MYO1G: variants seen among roughly 807,000 people sequenced by gnomAD.
The protein encoded by MYO1G is myosin IG.
MYO1G carries 65 observed loss-of-function variants against 115.3 expected under a neutral mutation model. The ratio of observed to expected loss-of-function variants is 0.56; its 90% confidence interval spans 0.46 to 0.69. MYO1G has a LOEUF of 0.69. Ranked by LOEUF, MYO1G falls within the 30% of genes least tolerant of loss-of-function variation. The pLI, the probability that MYO1G is intolerant of heterozygous loss-of-function variation, is 0.00. For synonymous variants in MYO1G, 510 were observed against 552.6 expected, an observed-to-expected ratio of 0.92 and a Z score of 1.08; for missense variants, 1,204 against 1,393.5, an observed-to-expected ratio of 0.86 and a Z score of 2.16.
chr7:44,968,693 T>A (rs1463808062), intron 12 of MYO1G: 1 of 152,286 alleles, frequency 6.6e-6, no homozygotes, highest in East Asian at 1.9e-4. Context: ...TTAGTACAGA[T>A]GAGGTTTTGC....
rs748075919 is a variant in MYO1G at position 44,966,779 on chromosome 7, A to T, written c.1842T>A (p.Asp614Glu). ...CGACCTGGTGGCGACAGTGGTTCTC[A>T]TCCAGCTTCCCAGCTACCTTGTCCT... ...PNEDKVAGKL[D>E]ENHCRHQVAY... Residue 614 changes from aspartate (D) to glutamate (E), a missense_variant, in exon 15 of 22, where the codon GAT becomes GAA. By Grantham distance (45) the Asp-to-Glu change is conservative. Transcript: ENST00000258787. This position sits in a 1 kb window ranked among gnomAD's most constrained non-coding sequence, Gnocchi z 5.0. The T allele has an allele frequency of 6.2e-7, 1 of 1,612,330 alleles. No homozygotes were observed. The highest frequency in any genetic ancestry group is 8.5e-7 in the Non-Finnish European group (1 of 1,178,816).
At chr7:44,978,790 T>G (rs1186435112) in intron 1 of MYO1G, 77 bp downstream of exon 1, 1 of 1,405,794 alleles carries the variant, frequency 7.1e-7, no homozygotes, top group Non-Finnish European at 1.0e-6. Flanking sequence ...GCCTTCCTCT[T>G]TCCCTCAGGT....
rs1794856605 is a variant in MYO1G at position 44,966,892 on chromosome 7, C to T, written c.1783-54G>A. On this transcript the variant is annotated intron_variant, in intron 14 of 21. Transcript: ENST00000258787. This position sits in a 1 kb window ranked among gnomAD's most constrained non-coding sequence, Gnocchi z 5.0. ...GTCTGCGCCAGCAGCACTGTGCACC[C>T]TGCCCCACACCAGGGGCTTCCTAAC... 3 of 1,528,584 alleles carry T rather than the reference C, an allele frequency of 2.0e-6. No homozygotes were observed. Among genetic ancestry groups the T allele is most frequent in the Non-Finnish European group, 2.6e-6 (3 of 1,137,178 alleles). The allele number at this position is 1,528,584 out of a possible 1,614,324, so 94.7% of individuals were successfully genotyped here.
At position 44,962,870 on chromosome 7, in the gene MYO1G, C is replaced by A; in HGVS notation, c.2926G>T (p.Val976Phe). ...QGEGRTLEVR[V>F]SDCIPLSHRG... is the part of the protein sequence containing the mutation. ...TGGCTTAGTGGGATGCAGTCGGAGA[C>A]GCGAACCTCCAGGGTGCGGCCCTCC... The change falls in exon 22 of 22, where the codon GTC (valine) becomes TTC (phenylalanine). Residue 976 changes from valine (V) to phenylalanine (F), a missense_variant. By Grantham distance (50) the Val-to-Phe change is conservative. Coordinates refer to ENST00000258787, the MANE Select transcript of MYO1G (RefSeq NM_033054.3). The surrounding 1 kb of genome is among the most constrained non-coding windows in gnomAD (Gnocchi z 5.3). 3 of 1,497,512 alleles carry A rather than the reference C, an allele frequency of 2.0e-6. No individual in the cohort carries two copies. The highest frequency in any genetic ancestry group is 2.7e-6 in the Non-Finnish European group (3 of 1,124,980). The allele number at this position is 1,497,512 out of a possible 1,614,324, so 92.8% of individuals were successfully genotyped here. A position where few individuals can be genotyped will look rare whatever the true frequency, so the allele number is the denominator to read the frequency against.
At position 44,969,936 on chromosome 7, in the gene MYO1G, C is replaced by T. The variant is rs1438782117; in HGVS notation, c.1333-61G>A. ...GTCTTTCAGGCCACCTCCCCTCCTC[C>T]GCCCCACACTCAGCCACCTGTCAGG... On this transcript the variant is annotated intron_variant, in intron 10 of 21. Transcript: ENST00000258787. This position sits in a 1 kb window ranked among gnomAD's most constrained non-coding sequence, Gnocchi z 5.0. 2.5e-5 allele frequency: 39 copies of T among 1,584,750 alleles called. No individual in the cohort carries two copies. The highest frequency in any genetic ancestry group is 4.5e-5 in the East Asian group (2 of 44,594).
In MYO1G at chr7:44,964,589, G is replaced by T. The variant is rs1583783604; in HGVS notation, c.2527-70C>A. 14 of 1,228,212 alleles carry T rather than the reference G, an allele frequency of 1.1e-5. No homozygotes were observed. Among genetic ancestry groups the T allele is most frequent in the South Asian group, 3.7e-5 (3 of 81,984 alleles). The allele number at this position is 1,228,212 out of a possible 1,614,324, so 76.1% of individuals were successfully genotyped here. ...ATGGGACCAGACTCAATTGATAGCA[G>T]CTGTCTGTGAATCAGCATAGCTATC... is the stretch of plus-strand genomic sequence containing the variant. On this transcript the variant is annotated intron_variant, in intron 18 of 21. Coordinates refer to ENST00000258787, the MANE Select transcript of MYO1G (RefSeq NM_033054.3). The surrounding 1 kb of genome is among the most constrained non-coding windows in gnomAD (Gnocchi z 5.1).
chr7:44,976,289 TCTC>T (rs1795047634), intron 3 of MYO1G, among the ~76,000 whole-genome samples: 1 of 152,126 alleles, frequency 6.6e-6, no homozygotes, highest in African/African-American at 2.4e-5. Flanking sequence ...CTGCTGCACT[TCTC>T]CTCATCCTAC....
chr7:44,974,903 C>T, intron 5 of MYO1G: 1 of 535,770 alleles, frequency 1.9e-6, no homozygotes, highest in Non-Finnish European at 3.4e-6. Context: ...CACAGAGACA[C>T]TTATGGGTCC....
At chr7:44,970,226 C>A in intron 9 of MYO1G, 72 bp from the exon 10 acceptor site, 2 of 1,043,150 alleles carry the variant, frequency 1.9e-6, no homozygotes, top group East Asian at 2.5e-5. Context: ...TGGCTGCTCC[C>A]CTGAACATCT....
chr7:44,967,369 G>A (rs1215823156), intron 14 of MYO1G, among the ~76,000 whole-genome samples: 1 of 152,164 alleles, frequency 6.6e-6, no homozygotes, highest in African/African-American at 2.4e-5. Flanking sequence ...ACAATGGGGC[G>A]AGGAGAAGCC....
rs572778883 is a variant in MYO1G, at chr7:44,964,976, C to T, written c.2495G>A (p.Arg832Gln). 49 of 1,603,282 alleles carry T rather than the reference C, an allele frequency of 3.1e-5. No individual in the cohort carries two copies. In the South Asian group the frequency reaches 4.4e-4, roughly 14 times the overall value. Residue 832 changes from arginine (R) to glutamine (Q), a missense_variant, in exon 18 of 22, where the codon CGA becomes CAA. By Grantham distance (43) the Arg-to-Gln change is conservative. Transcript: ENST00000258787. This position sits in a 1 kb window ranked among gnomAD's most constrained non-coding sequence, Gnocchi z 5.1. The part of the protein sequence containing the change: ...LQGLRQDWGC[R>Q]RAWARDYLSS... The stretch of plus-strand genomic sequence containing the variant: ...CAGGTAGTCTCGGGCCCAGGCCCGT[C>T]GGCAGCCCCAGTCCTGACGAAGCCC...
intron 9 of MYO1G, among the ~76,000 whole-genome samples, 170 bp from the exon 10 acceptor site, chr7:44,970,324 C>A (rs1228024016): frequency 6.6e-6 from 1 of 152,180 alleles, no homozygotes; most frequent in Non-Finnish European, 1.5e-5. Context: ...TCCTTTACCC[C>A]ACCCACACCT....
In MYO1G at chr7:44,967,662, C is replaced by T. The variant is rs377084341; in HGVS notation, c.1725G>A (p.Thr575=). 2.2e-5 allele frequency: 35 copies of T among 1,613,680 alleles called. No individual in the cohort carries two copies. Among genetic ancestry groups the T allele is most frequent in the Middle Eastern group, 1.6e-4 (1 of 6,084 alleles). ...TGGAGTTCTTGAAGAGTGTGCCAGC[C>T]GTCAGGGGGCGCTTGGTCACCTCTG... is the stretch of plus-strand genomic sequence containing the variant. ...DITEVTKRPL[T]AGTLFKNSMV... The change falls in exon 14 of 22, where the codon ACG becomes ACA. Residue 575 remains threonine (T), a synonymous_variant. Coordinates refer to ENST00000258787, the MANE Select transcript of MYO1G (RefSeq NM_033054.3).
At chr7:44,974,053 T>C (rs10274554) in intron 5 of MYO1G, 48,908 of 151,374 alleles carry the variant, frequency 0.32, 8,630 homozygotes, top group African/African-American at 0.46. Context: ...CCCACCTCAG[T>C]GCAGACTCAC....
rs1369859906 is a variant in MYO1G, at chr7:44,963,056, G to T, written c.2814C>A (p.Asp938Glu). 1 of 1,525,594 alleles carries T rather than the reference G, an allele frequency of 6.6e-7. No individual in the cohort carries two copies. The highest frequency in any genetic ancestry group is 8.8e-7 in the Non-Finnish European group (1 of 1,141,648). The allele number at this position is 1,525,594 out of a possible 1,614,324, so 94.5% of individuals were successfully genotyped here. ...LVVLHARGQD[D>E]LVVCLHRSRP... Reference sequence around the variant, plus strand: ...GGGAGCGGTGCAGGCACACCACGAGGTCGTCCTGGCCGCGGGCGTGCAGCA... The same window carrying T: ...GGGAGCGGTGCAGGCACACCACGAGTTCGTCCTGGCCGCGGGCGTGCAGCA... The change falls in exon 21 of 22, where the codon GAC becomes GAA. Residue 938 changes from aspartate (D) to glutamate (E), a missense_variant. By Grantham distance (45) the Asp-to-Glu change is conservative. Transcript: ENST00000258787. The surrounding 1 kb of genome is among the most constrained non-coding windows in gnomAD (Gnocchi z 4.1).
At chr7:44,970,238 T>C in intron 9 of MYO1G, 84 bp from the exon 10 acceptor site, 1 of 961,896 alleles carries the variant, frequency 1.0e-6, no homozygotes, top group Non-Finnish European at 1.6e-6. Flanking sequence ...TGAACATCTC[T>C]GCTAATGTTC....
chr7:44,967,058 G>T (rs746608654), intron 14 of MYO1G, among the ~76,000 whole-genome samples: 13 of 152,182 alleles, frequency 8.5e-5, no homozygotes, highest in Non-Finnish European at 1.5e-4. Context: ...GTCGGGGGGT[G>T]GGGAGGTGGG....
intron 1 of MYO1G, 57 bp downstream of exon 1, chr7:44,978,810 G>T: frequency 1.3e-6 from 2 of 1,524,740 alleles, no homozygotes; most frequent in Non-Finnish European, 1.8e-6. Flanking sequence ...TCTCTGCGAG[G>T]ACGCAAGGTG....
At chr7:44,965,472 A>G (rs571670683) in intron 17 of MYO1G, among the ~76,000 whole-genome samples, 165 bp downstream of exon 17, 2 of 152,354 alleles carry the variant, frequency 1.3e-5, no homozygotes, top group East Asian at 3.9e-4. Context: ...GCTCTGCACC[A>G]ACTGTGGGAC....
Sources: allele counts gnomAD v4.1 joint callset (sites outside exome capture counted in the v4.1 genomes callset), GRCh38; gene constraint gnomAD v4.1.1; non-coding constraint Gnocchi (gnomAD v3.1); transcripts MANE v1.5; gene names NCBI Gene and HGNC (gene_info 2026-07-23, HGNC 2026-07-21).